Variants in BBS9 observed in about 807,000 individuals in gnomAD.
The protein encoded by BBS9 is protein PTHB1.
A neutral mutation model predicts 117.7 loss-of-function variants in BBS9; 89 were observed. The ratio of observed to expected loss-of-function variants is 0.76; its 90% CI spans 0.64 to 0.90. The LOEUF (loss-of-function observed/expected upper bound fraction) is 0.90, where lower values mean the gene tolerates loss of function less well. BBS9 is among the 40% of genes least tolerant of loss of function. BBS9 has a pLI of 0.00. For missense variants in BBS9, 982 were observed against 1,042.2 expected, an observed-to-expected ratio of 0.94 and a Z score of 0.80; for synonymous variants, 379 against 370.9, an observed-to-expected ratio of 1.02 and a Z score of -0.25.
chr7:33,590,692 A>G (rs1861758973), intron 21 of BBS9, among the ~76,000 whole-genome samples: 1 of 151,860 alleles, frequency 6.6e-6, no homozygotes, highest in Non-Finnish European at 1.5e-5. Context: ...GCTTATTATT[A>G]TAACACTTGT....
At position 33,462,892 on chromosome 7, in the gene BBS9, A is replaced by G. The variant is rs1839671416; in HGVS notation, c.2116-42571A>G. On this transcript the variant is annotated intron_variant, in intron 19 of 22. Transcript: ENST00000242067. Reference sequence around the variant, plus strand: ...TCTGTCCACTTTTTAAAAAATGGATATTTAAAGTTAGGAAATATTTAAAGG... The same window carrying G: ...TCTGTCCACTTTTTAAAAAATGGATGTTTAAAGTTAGGAAATATTTAAAGG... 3.3e-5 allele frequency among the ~76,000 whole-genome samples: 5 copies of G among 152,116 alleles called. No individual in the cohort carries two copies. The South Asian group carries it at 1.0e-3, about 31-fold the overall frequency.
chr7:33,584,997 G>A (rs1369991844), intron 21 of BBS9, among the ~76,000 whole-genome samples: 1 of 151,914 alleles, frequency 6.6e-6, no homozygotes. Flanking sequence ...GATTGATTTT[G>A]TCTTTTTCCT....
chr7:33,371,114 G>A (rs751954005), intron 17 of BBS9, among the ~76,000 whole-genome samples: 2 of 152,120 alleles, frequency 1.3e-5, no homozygotes, highest in Non-Finnish European at 2.9e-5. Flanking sequence ...TTGTTGAGGA[G>A]ATGCACACCC....
chr7:33,294,278 C>T (rs1344216870), intron 9 of BBS9, among the ~76,000 whole-genome samples: 2 of 151,730 alleles, frequency 1.3e-5, no homozygotes, highest in Non-Finnish European at 2.9e-5. Flanking sequence ...CACAATACTT[C>T]CATCTATCTA....
intron 5 of BBS9, among the ~76,000 whole-genome samples, chr7:33,211,807 C>T (rs953094852): frequency 1.1e-4 from 16 of 152,058 alleles, no homozygotes; most frequent in African/African-American, 3.9e-4. Flanking sequence ...TCTTTTGTTT[C>T]TCCTTCATGC....
intron 17 of BBS9, among the ~76,000 whole-genome samples, chr7:33,379,564 T>C (rs534445880): frequency 4.6e-5 from 7 of 152,294 alleles, no homozygotes; most frequent in African/African-American, 1.7e-4. Flanking sequence ...CTGTAAAAAT[T>C]TACAGCTATA....
At chr7:33,395,877 G>A (rs1358202010) in intron 19 of BBS9, among the ~76,000 whole-genome samples, 1 of 152,102 alleles carries the variant, frequency 6.6e-6, no homozygotes, top group Non-Finnish European at 1.5e-5. Context: ...CATTGTCATG[G>A]ACAAGTAAAA....
At chr7:33,314,840 G>A (rs902506643) in intron 9 of BBS9, among the ~76,000 whole-genome samples, 8 of 152,118 alleles carry the variant, frequency 5.3e-5, no homozygotes, top group African/African-American at 1.9e-4. Flanking sequence ...CTATTTTGTG[G>A]GGATAGTGAG....
At chr7:33,508,794 T>C (rs1846503577) in intron 20 of BBS9, among the ~76,000 whole-genome samples, 1 of 152,236 alleles carries the variant, frequency 6.6e-6, no homozygotes, top group Non-Finnish European at 1.5e-5. Context: ...GAAGCATGGT[T>C]AGACTCAAAG....
intron 5 of BBS9, among the ~76,000 whole-genome samples, chr7:33,209,660 G>C (rs190369167): frequency 3.8e-4 from 58 of 152,140 alleles, no homozygotes; most frequent in African/African-American, 1.4e-3. Context: ...ATTTCTTCTA[G>C]GTTTTCCAAT....
intron 19 of BBS9, among the ~76,000 whole-genome samples, chr7:33,422,137 T>G (rs528429959): frequency 6.6e-6 from 1 of 152,310 alleles, no homozygotes; most frequent in African/African-American, 2.4e-5. Flanking sequence ...AAATATAAAT[T>G]GTATGTACGG....
At chr7:33,568,463 C>T (rs1416392992) in intron 21 of BBS9, among the ~76,000 whole-genome samples, 3 of 152,188 alleles carry the variant, frequency 2.0e-5, no homozygotes, top group African/African-American at 7.2e-5. Context: ...TCTTTTTACT[C>T]TCACATTTCC....
At chr7:33,371,997 A>G (rs1002189677) in intron 17 of BBS9, among the ~76,000 whole-genome samples, 1 of 152,222 alleles carries the variant, frequency 6.6e-6, no homozygotes, top group African/African-American at 2.4e-5. Context: ...ATCGGTGACG[A>G]TTAGAGAAAA....
intron 19 of BBS9, 49 bp from the exon 20 acceptor site, chr7:33,505,414 G>A: frequency 6.3e-7 from 1 of 1,580,102 alleles, no homozygotes; most frequent in Non-Finnish European, 8.7e-7. Context: ...TTTGTTGAGG[G>A]CTCAATAATT....
At chr7:33,164,782 A>C (rs1795406417) in intron 4 of BBS9, among the ~76,000 whole-genome samples, 3 of 152,102 alleles carry the variant, frequency 2.0e-5, no homozygotes, top group Admixed American at 6.5e-5. Context: ...GACTCTATCC[A>C]ATTTGCCAGT....
At chr7:33,597,757 C>T (rs763421046) in intron 21 of BBS9, among the ~76,000 whole-genome samples, 6 of 151,678 alleles carry the variant, frequency 4.0e-5, no homozygotes, top group African/African-American at 4.8e-5. Context: ...ACATTTGTGG[C>T]ATCAGTTCCC....
intron 19 of BBS9, among the ~76,000 whole-genome samples, chr7:33,389,603 C>A (rs901633374): frequency 6.9e-6 from 1 of 144,758 alleles, no homozygotes; most frequent in African/African-American, 2.6e-5. Flanking sequence ...GCAGGGGAAT[C>A]GGTTGAACCC....
chr7:33,583,930 G>A (rs780528988), intron 21 of BBS9, among the ~76,000 whole-genome samples: 7 of 151,968 alleles, frequency 4.6e-5, no homozygotes, highest in Non-Finnish European at 8.8e-5. Context: ...ATTTAGAATA[G>A]CACTTGCCTT....
At chr7:33,289,985 G>A (rs930432251) in intron 9 of BBS9, among the ~76,000 whole-genome samples, 5 of 151,638 alleles carry the variant, frequency 3.3e-5, no homozygotes, top group African/African-American at 9.7e-5. Context: ...GGCAGAGGTC[G>A]CAGTGAGCCG....
Sources: allele counts gnomAD v4.1 joint callset (sites outside exome capture counted in the v4.1 genomes callset), GRCh38; gene constraint gnomAD v4.1.1; transcripts MANE v1.5; gene names NCBI Gene and HGNC (gene_info 2026-07-23, HGNC 2026-07-21).